MTBP: variants seen among roughly 807,000 people sequenced by gnomAD.
MTBP encodes MDM2 binding protein, also known as mdm2-binding protein.
Under a neutral mutation model 117.0 loss-of-function variants are expected in MTBP, and 101 were observed. The observed-to-expected ratio is 0.86, with a 90% confidence interval of 0.73 to 1.02. The LOEUF is 1.02. Among genes scored for constraint, MTBP ranks in the 50% least tolerant of loss-of-function variants. The pLI is 0.00. For synonymous variants in MTBP, 350 were observed against 351.5 expected (o/e 1.00, Z 0.05); for missense variants, 970 against 1,030.9 (o/e 0.94, Z 0.81).
intron 11 of MTBP, among the ~76,000 whole-genome samples, chr8:120,475,373 A>G (rs1813910914): frequency 6.6e-6 from 1 of 151,984 alleles, no homozygotes; most frequent in Non-Finnish European, 1.5e-5. Context: ...ATATATTTCT[A>G]GTTAGTAATA....
intron 18 of MTBP, 49 bp from the exon 19 acceptor site, chr8:120,517,802 T>C: frequency 3.2e-6 from 5 of 1,545,760 alleles, no homozygotes; most frequent in Non-Finnish European, 4.4e-6. Flanking sequence ...TGAACTTCGA[T>C]GTTGATTCGC....
At chr8:120,481,761 T>C (rs1814089441) in intron 11 of MTBP, among the ~76,000 whole-genome samples, 1 of 152,204 alleles carries the variant, frequency 6.6e-6, no homozygotes. Context: ...TTAATATATA[T>C]GTACATACGT....
At chr8:120,466,407 G>A (rs1813695417) in intron 10 of MTBP, among the ~76,000 whole-genome samples, 1 of 150,854 alleles carries the variant, frequency 6.6e-6, no homozygotes, top group African/African-American at 2.4e-5. Flanking sequence ...GTGGAGACAG[G>A]GTTTCGTCAT....
At chr8:120,498,397 G>T (rs1408101668) in intron 14 of MTBP, among the ~76,000 whole-genome samples, 1 of 152,114 alleles carries the variant, frequency 6.6e-6, no homozygotes, top group Non-Finnish European at 1.5e-5. Context: ...AAAGGTGCTG[G>T]AGACATTTTT....
At chr8:120,446,584 C>T in intron 2 of MTBP, 71 bp downstream of exon 2, 2 of 939,728 alleles carry the variant, frequency 2.1e-6, no homozygotes, top group East Asian at 2.4e-5. Flanking sequence ...TAATTTGGAC[C>T]CTAAGGAGTA....
In MTBP at chr8:120,445,540, G is replaced by C; in HGVS notation, c.70G>C (p.Glu24Gln). 1.2e-6 allele frequency: 2 copies of C among 1,613,736 alleles called. No homozygotes were observed. The highest frequency in any genetic ancestry group is 1.7e-6 in the Non-Finnish European group (2 of 1,179,812). Residue 24 changes from glutamate (E) to glutamine (Q), a missense_variant, in exon 1 of 22, where the codon GAA becomes CAA. Coordinates refer to ENST00000305949, the MANE Select transcript of MTBP (RefSeq NM_022045.5). ...CCCGTCGGCGGCCAGTAGGGAGGCA[G>C]AACATGGGCCAGAGGTGTCGTCGGG... is the stretch of plus-strand genomic sequence containing the variant. ...KFPSAASREAEHGPEVSSGEG... is the reference protein window; with the variant it reads ...KFPSAASREAQHGPEVSSGEG...
At chr8:120,520,318 A>G (rs915870023) in intron 20 of MTBP, among the ~76,000 whole-genome samples, 13 of 152,160 alleles carry the variant, frequency 8.5e-5, no homozygotes, top group African/African-American at 3.1e-4. Flanking sequence ...GATAAAGTCA[A>G]TTAAATAGAA....
intron 17 of MTBP, among the ~76,000 whole-genome samples, chr8:120,515,355 G>T (rs558283910): frequency 6.6e-6 from 1 of 152,006 alleles, no homozygotes; most frequent in Admixed American, 6.6e-5. Context: ...TTGATGCCCT[G>T]AATCAGATTC....
intron 18 of MTBP, among the ~76,000 whole-genome samples, chr8:120,516,393 T>C (rs1018661132): frequency 6.6e-6 from 1 of 152,028 alleles, no homozygotes; most frequent in African/African-American, 2.4e-5. Flanking sequence ...TATATGCTAA[T>C]ATACAGTCCA....
intron 14 of MTBP, among the ~76,000 whole-genome samples, chr8:120,499,649 A>C (rs1160247313): frequency 1.3e-5 from 2 of 152,228 alleles, no homozygotes; most frequent in Non-Finnish European, 2.9e-5. Flanking sequence ...GCAAGCATGC[A>C]TATTAGGAGT....
chr8:120,460,689 C>A (rs1022178237), intron 8 of MTBP, among the ~76,000 whole-genome samples: 5 of 151,994 alleles, frequency 3.3e-5, no homozygotes, highest in African/African-American at 1.2e-4. Flanking sequence ...TTTATTTAGT[C>A]TTTTCACTAG....
In MTBP at chr8:120,484,462, G is replaced by A. The variant is rs530886721; in HGVS notation, c.1166-3697G>A. On this transcript the variant is annotated intron_variant, in intron 11 of 21. Transcript: ENST00000305949. ...CTGTAGCTATTGTAATAAAATTACA[G>A]TACTTTCTTAGTATTTTGGGATGTA... Among the ~76,000 whole-genome samples the A allele has an allele frequency of 1.2e-4, 19 of 152,026 alleles. No individual in the cohort carries two copies. In the South Asian group the frequency reaches 3.5e-3, roughly 28 times the overall value.
chr8:120,476,018 A>G (rs972463519), intron 11 of MTBP, among the ~76,000 whole-genome samples: 1 of 152,052 alleles, frequency 6.6e-6, no homozygotes. Flanking sequence ...TTTATATTAC[A>G]ATTGAGAAAA....
At chr8:120,473,943 G>A (rs888435017) in intron 11 of MTBP, 1 of 151,830 alleles carries the variant, frequency 6.6e-6, no homozygotes, top group Non-Finnish European at 1.5e-5. Flanking sequence ...GTGTATTCTG[G>A]CAACCCATTC....
chr8:120,480,384 T>G (rs1256477096), intron 11 of MTBP, among the ~76,000 whole-genome samples: 2 of 151,990 alleles, frequency 1.3e-5, no homozygotes, highest in Middle Eastern at 3.2e-3. Flanking sequence ...CACTCCAGCC[T>G]GGGCGACAGA....
intron 18 of MTBP, among the ~76,000 whole-genome samples, chr8:120,516,867 A>G (rs1586974648): frequency 6.6e-6 from 1 of 152,008 alleles, no homozygotes; most frequent in East Asian, 1.9e-4. Flanking sequence ...TGAAAACATA[A>G]CTTTCAGATC....
intron 10 of MTBP, among the ~76,000 whole-genome samples, chr8:120,467,096 T>C (rs1374914112): frequency 6.6e-6 from 1 of 152,180 alleles, no homozygotes; most frequent in Admixed American, 6.5e-5. Flanking sequence ...TATGTAACTA[T>C]GATTAGCCCC....
chr8:120,461,180 CT>C lies in MTBP; in HGVS notation c.903del (p.Ala302LeufsTer2). On this transcript the variant is annotated frameshift_variant, in exon 9 of 22. Transcript: ENST00000305949. LOFTEE classifies it high-confidence loss of function. ...ILPKVFHYYG[P>X]ALEFVQMIKL... ...TTCTAGGTTTTCCATTATTATGGCCCTGCTTTAGAATTTGTGCAGATGATAA... is the reference window on the plus strand; with the variant it reads ...TTCTAGGTTTTCCATTATTATGGCCCGCTTTAGAATTTGTGCAGATGATAA... 1 of 1,597,762 alleles carries C rather than the reference CT, an allele frequency of 6.3e-7. No homozygotes were observed. The highest frequency in any genetic ancestry group is 8.6e-7 in the Non-Finnish European group (1 of 1,166,792).
At chr8:120,468,114 A>G (rs996663737) in intron 10 of MTBP, among the ~76,000 whole-genome samples, 7 of 152,066 alleles carry the variant, frequency 4.6e-5, no homozygotes, top group African/African-American at 1.4e-4. Context: ...AAAATTAGAT[A>G]TATTTTTTAT....
Sources: gnomAD v4.1 joint callset for allele counts (sites outside exome capture counted in the v4.1 genomes callset) on GRCh38, gnomAD v4.1.1 for gene constraint, MANE v1.5 for transcripts, NCBI Gene and HGNC (gene_info 2026-07-23, HGNC 2026-07-21) for gene names.